The following CLINT1 variants were observed in gnomAD, a reference collection of about 807,000 sequenced individuals.
CLINT1 encodes the protein clathrin interactor 1.
A neutral mutation model predicts 70.4 loss-of-function variants in CLINT1; 15 were observed. That is an observed-to-expected ratio of 0.21 (90% CI 0.14 to 0.33). The LOEUF is 0.33. CLINT1 is among the 10% of genes least tolerant of loss of function. CLINT1 has a pLI of 1.00. For missense variants in CLINT1, 615 were observed against 778.1 expected, an observed-to-expected ratio of 0.79 and a Z score of 2.49; for synonymous variants, 227 against 254.7, an observed-to-expected ratio of 0.89 and a Z score of 1.04.
chr5:157,814,302 A>G lies in CLINT1; in HGVS notation c.244-9T>C. 1 of 1,548,698 alleles carries G rather than the reference A, an allele frequency of 6.5e-7. No homozygotes were observed. Among genetic ancestry groups the G allele is most frequent in the Non-Finnish European group, 8.9e-7 (1 of 1,127,072 alleles). On this transcript the variant is annotated splice_polypyrimidine_tract_variant and intron_variant, in intron 3 of 11. Coordinates refer to ENST00000411809, the MANE Select transcript of CLINT1 (RefSeq NM_014666.4). The stretch of plus-strand genomic sequence containing the variant: ...GCTAGGAGCAGCAACGACTGCAAAA[A>G]TACAAAGCAATAAATGATTTAATGA...
chr5:157,831,651 A>C (rs1187150), intron 1 of CLINT1, among the ~76,000 whole-genome samples: 19,997 of 151,442 alleles, frequency 0.13, 1,729 homozygotes, highest in African/African-American at 0.24. Flanking sequence ...AGGAGATAAT[A>C]AAAATAAACT....
chr5:157,791,963 C>T lies in CLINT1; in HGVS notation c.1120G>A (p.Asp374Asn). 1 of 1,613,794 alleles carries T rather than the reference C, an allele frequency of 6.2e-7. No individual in the cohort carries two copies. Among genetic ancestry groups the T allele is most frequent in the Non-Finnish European group, 8.5e-7 (1 of 1,179,800 alleles). Residue 374 changes from aspartate to asparagine, a missense_variant, in exon 10 of 12, where the codon GAC (aspartate) becomes AAC (asparagine). Around this residue, in one of 2 missense-constraint regions of CLINT1, gnomAD observed 374 missense variants for 409.6 expected, o/e 0.91. Coordinates refer to ENST00000411809, the MANE Select transcript of CLINT1 (RefSeq NM_014666.4). ...TATSGNGDFGDWSAFNQAPSG... is the reference protein window; with the variant it reads ...TATSGNGDFGNWSAFNQAPSG... ...GGGGCTTGGTTGAAGGCACTCCAGT[C>T]ACCAAAGTCTCCATTCCCACTTGTT...
intron 2 of CLINT1, 78 bp from the exon 3 acceptor site, chr5:157,816,908 G>A (rs1401140707): frequency 4.8e-6 from 5 of 1,041,388 alleles, no homozygotes; most frequent in African/African-American, 3.3e-5. Context: ...CTAATTTGGT[G>A]TTTCCCTGAA....
intron 1 of CLINT1, among the ~76,000 whole-genome samples, chr5:157,826,191 T>C (rs1763030955): frequency 6.6e-6 from 1 of 152,110 alleles, no homozygotes; most frequent in Non-Finnish European, 1.5e-5. Context: ...TCTTCAAAAT[T>C]ATGAAAATGG....
intron 8 of CLINT1, among the ~76,000 whole-genome samples, chr5:157,797,773 G>A (rs1329322034): frequency 1.3e-5 from 2 of 151,992 alleles, no homozygotes; most frequent in Non-Finnish European, 2.9e-5. Context: ...ACTTCAAACT[G>A]GTAAGAAATT....
At chr5:157,831,921 A>ACCTCATGATCCACCCCCGCCCACCTCGG (rs1763258609) in intron 1 of CLINT1, among the ~76,000 whole-genome samples, 1 of 151,876 alleles carries the variant, frequency 6.6e-6, no homozygotes, top group Non-Finnish European at 1.5e-5. Flanking sequence ...TGATCTCCTG[A>ACCTCATGATCCACCCCCGCCCACCTCGG]CCTCATGATC....
At chr5:157,856,264 T>C (rs1050193603) in intron 1 of CLINT1, among the ~76,000 whole-genome samples, 16 of 152,304 alleles carry the variant, frequency 1.1e-4, no homozygotes, top group Middle Eastern at 6.8e-3. Flanking sequence ...AATGCATTTC[T>C]CCAATAGCCA....
intron 1 of CLINT1, among the ~76,000 whole-genome samples, chr5:157,839,554 A>G (rs1763543830): frequency 6.6e-6 from 1 of 150,974 alleles, no homozygotes; most frequent in Admixed American, 6.6e-5. Context: ...GTGAGCCGAG[A>G]TTGTGCACTG....
chr5:157,833,324 C>T (rs1581526161), intron 1 of CLINT1, among the ~76,000 whole-genome samples: 1 of 151,338 alleles, frequency 6.6e-6, no homozygotes, highest in African/African-American at 2.4e-5. Flanking sequence ...GCACTTCAGC[C>T]TGGGTGACAG....
intron 1 of CLINT1, among the ~76,000 whole-genome samples, chr5:157,842,556 A>C (rs987240962): frequency 6.6e-6 from 1 of 152,248 alleles, no homozygotes; most frequent in Non-Finnish European, 1.5e-5. Flanking sequence ...TTATGACTCT[A>C]AATCACTAGA....
chr5:157,799,361 G>C (rs1047145064), intron 8 of CLINT1, among the ~76,000 whole-genome samples: 3 of 152,056 alleles, frequency 2.0e-5, no homozygotes, highest in Non-Finnish European at 2.9e-5. Flanking sequence ...AGCGATTACT[G>C]GGTACAAAGC....
rs186953588 is a variant in CLINT1 at position 157,790,431 on chromosome 5, T to C, written c.1381-918A>G. The C allele has an allele frequency of 3.3e-4, 103 of 314,104 alleles. 1 individual carries two copies. The Middle Eastern group carries it at 3.5e-3, about 11-fold the overall frequency. 19.5% of individuals were successfully genotyped at this position (314,104 alleles called of 1,614,324 possible). A position where few individuals can be genotyped will look rare whatever the true frequency, so the allele number is the denominator to read the frequency against. On this transcript the variant is annotated intron_variant, in intron 10 of 11. Coordinates refer to ENST00000411809, the MANE Select transcript of CLINT1 (RefSeq NM_014666.4). ...AAGAAGCAGAGGTTCCTAGTGGTTA[T>C]TGAGGATAACTGAAAAGGACAGAAA...
At chr5:157,791,622 T>C in intron 10 of CLINT1, 81 bp downstream of exon 10, 1 of 1,330,190 alleles carries the variant, frequency 7.5e-7, no homozygotes, top group South Asian at 1.4e-5. Flanking sequence ...ATTTTTCTGT[T>C]TTATACTAAT....
rs149149775 is a variant in CLINT1, at chr5:157,853,179, C to T, written c.41+5751G>A. 1.9e-3 allele frequency among the ~76,000 whole-genome samples: 287 copies of T among 151,782 alleles called. 3 individuals are homozygous for T. Among genetic ancestry groups the T allele is most frequent in the African/African-American group, 6.6e-3 (275 of 41,360 alleles). The stretch of plus-strand genomic sequence containing the variant: ...CCTGGCCAAAGTGATGAAACCCCGT[C>T]TCTACAAAAATTAGCTGGGCATGGT... On this transcript the variant is annotated intron_variant, in intron 1 of 11. Transcript: ENST00000411809.
Position 157,790,922 on chromosome 5 carries a change from C to G in CLINT1, c.1380+781G>C, listed in dbSNP as rs188489252. Among the ~76,000 whole-genome samples, 6 of 152,270 alleles carry G rather than the reference C, an allele frequency of 3.9e-5. No individual in the cohort carries two copies. The East Asian group carries it at 1.2e-3, about 29-fold the overall frequency. On this transcript the variant is annotated intron_variant, in intron 10 of 11. Coordinates refer to ENST00000411809, the MANE Select transcript of CLINT1 (RefSeq NM_014666.4). ...AGAGCAGGTCCAGAATTGGGAAGAA[C>G]ATTCACCATTCGAGAGAATGATTTT...
rs149517427 is a variant in CLINT1, at chr5:157,827,094, A to G, written c.42-9547T>C. 2.0e-5 allele frequency among the ~76,000 whole-genome samples: 3 copies of G among 152,282 alleles called. 1 individual carries two copies. The highest frequency in any genetic ancestry group is 4.4e-5 in the Non-Finnish European group (3 of 68,004). On this transcript the variant is annotated intron_variant, in intron 1 of 11. Coordinates refer to ENST00000411809, the MANE Select transcript of CLINT1 (RefSeq NM_014666.4). The stretch of plus-strand genomic sequence containing the variant: ...AAATTTCTGAGATTTCTAACAACCA[A>G]TATGTCTGTCCTAAAATATAGCTAG...
intron 1 of CLINT1, among the ~76,000 whole-genome samples, chr5:157,823,018 C>T (rs1166572328): frequency 6.6e-6 from 1 of 152,088 alleles, no homozygotes; most frequent in Non-Finnish European, 1.5e-5. Context: ...AATTTTATTC[C>T]TTTAAAAAAA....
chr5:157,810,812 G>A (rs1762531078), intron 5 of CLINT1, among the ~76,000 whole-genome samples: 2 of 152,158 alleles, frequency 1.3e-5, no homozygotes, highest in African/African-American at 2.4e-5. Flanking sequence ...ACTAAAAAGT[G>A]GCTAATGGAG....
At chr5:157,840,062 T>C (rs1561670038) in intron 1 of CLINT1, among the ~76,000 whole-genome samples, 1 of 151,726 alleles carries the variant, frequency 6.6e-6, no homozygotes, top group Non-Finnish European at 1.5e-5. Context: ...TAGCTGGGCA[T>C]GATGGGCCTA....
Sources: allele counts gnomAD v4.1 joint callset (sites outside exome capture counted in the v4.1 genomes callset), GRCh38; gene constraint gnomAD v4.1.1; regional missense constraint gnomAD v4.1.1; transcripts MANE v1.5; gene names NCBI Gene and HGNC (gene_info 2026-07-23, HGNC 2026-07-21).